Variants in PARD3 observed in about 807,000 individuals in gnomAD.
PARD3 encodes partitioning defective 3 homolog.
In PARD3, 75 loss-of-function variants were observed where a neutral mutation model predicts 155.4. The ratio of observed to expected loss-of-function variants is 0.48; its 90% CI spans 0.40 to 0.58. PARD3 has a LOEUF of 0.58. PARD3 is among the 20% of genes least tolerant of loss of function. The pLI, the probability that PARD3 is intolerant of heterozygous loss-of-function variation, is 0.00. For missense variants in PARD3, 1,642 were observed against 1,721.7 expected (o/e 0.95, Z 0.82); for synonymous variants, 576 against 610.5 (o/e 0.94, Z 0.83).
chr10:34,704,981 C>T (rs537878726), intron 1 of PARD3, among the ~76,000 whole-genome samples: 4 of 152,094 alleles, frequency 2.6e-5, no homozygotes, highest in South Asian at 2.1e-4. Context: ...CAAAAGAGCA[C>T]GATCAGCAGG....
chr10:34,695,099 G>A (rs960027738), intron 2 of PARD3, among the ~76,000 whole-genome samples: 1 of 152,172 alleles, frequency 6.6e-6, no homozygotes, highest in Non-Finnish European at 1.5e-5. Context: ...AGTCGACCAG[G>A]CCGCTGCCTC....
chr10:34,351,080 T>TGG (rs1838028406), intron 14 of PARD3, among the ~76,000 whole-genome samples: 1 of 152,212 alleles, frequency 6.6e-6, no homozygotes, highest in Non-Finnish European at 1.5e-5. Context: ...CCGTTTGTTG[T>TGG]GAGTATGCAT....
At chr10:34,419,955 T>C (rs78548711) in intron 5 of PARD3, among the ~76,000 whole-genome samples, 4 of 152,216 alleles carry the variant, frequency 2.6e-5, no homozygotes, top group Non-Finnish European at 5.9e-5. Flanking sequence ...GACTGATTAA[T>C]TGATTGATTG....
At chr10:34,464,119 GAAA>G (rs34445178) in intron 4 of PARD3, among the ~76,000 whole-genome samples, 1 of 145,306 alleles carries the variant, frequency 6.9e-6, no homozygotes. Context: ...GGTCCTGCGG[GAAA>G]AAAAAAAAAA....
chr10:34,271,535 G>A (rs1464207849), intron 21 of PARD3, among the ~76,000 whole-genome samples: 3 of 152,054 alleles, frequency 2.0e-5, no homozygotes, highest in African/African-American at 2.4e-5. Flanking sequence ...CAGAAAACTA[G>A]AAATAAAGTG....
At chr10:34,688,097 C>A (rs2093982961) in intron 2 of PARD3, among the ~76,000 whole-genome samples, 1 of 152,094 alleles carries the variant, frequency 6.6e-6, no homozygotes, top group African/African-American at 2.4e-5. Flanking sequence ...AAGTGATCCA[C>A]CCGCTTTGGC....
At chr10:34,144,582 C>T (rs1948363656) in intron 22 of PARD3, among the ~76,000 whole-genome samples, 1 of 152,130 alleles carries the variant, frequency 6.6e-6, no homozygotes, top group South Asian at 2.1e-4. Flanking sequence ...TAACCAAATT[C>T]CTCTGGTATT....
intron 20 of PARD3, among the ~76,000 whole-genome samples, chr10:34,295,250 C>G (rs1045366786): frequency 7.2e-5 from 11 of 152,154 alleles, no homozygotes. Context: ...GGTCAGAACA[C>G]GGAGATGTGT....
At chr10:34,699,189 T>A (rs1404853752) in intron 1 of PARD3, among the ~76,000 whole-genome samples, 1 of 152,212 alleles carries the variant, frequency 6.6e-6, no homozygotes, top group Non-Finnish European at 1.5e-5. Flanking sequence ...GCAATCATGA[T>A]AACATCATGC....
rs557044966 is a variant in PARD3, at chr10:34,590,766, T to G, written c.223-73607A>C. 1.4e-4 allele frequency among the ~76,000 whole-genome samples: 22 copies of G among 152,090 alleles called. No homozygotes were observed. In the South Asian group the frequency reaches 4.6e-3, roughly 32 times the overall value. On this transcript the variant is annotated intron_variant, in intron 2 of 24. Transcript: ENST00000374788. ...GAACTGGAAGTGGGCACACCCAGAG[T>G]CTAGATTTGTCTTTTAGGACTTCTA...
chr10:34,533,605 G>A (rs2083008842), intron 2 of PARD3, among the ~76,000 whole-genome samples: 1 of 151,996 alleles, frequency 6.6e-6, no homozygotes, highest in Non-Finnish European at 1.5e-5. Context: ...TCAGGAGTTT[G>A]TGACCAGCCC....
intron 22 of PARD3, among the ~76,000 whole-genome samples, chr10:34,220,766 G>A (rs542086563): frequency 6.6e-6 from 1 of 152,154 alleles, no homozygotes; most frequent in East Asian, 1.9e-4. Flanking sequence ...TCACAGTGGG[G>A]ACTAATGTGC....
At chr10:34,384,067 C>G in intron 8 of PARD3, 62 bp downstream of exon 8, 1 of 1,529,814 alleles carries the variant, frequency 6.5e-7, no homozygotes, top group Non-Finnish European at 9.0e-7. Context: ...AGCATTTCAA[C>G]TGACTGCACT....
intron 1 of PARD3, among the ~76,000 whole-genome samples, chr10:34,722,956 C>T (rs1361410974): frequency 2.0e-5 from 3 of 152,076 alleles, no homozygotes; most frequent in Admixed American, 6.6e-5. Context: ...ATGTGAATTG[C>T]TGAAGTTGGG....
At chr10:34,285,122 T>C (rs1362172062) in intron 20 of PARD3, among the ~76,000 whole-genome samples, 1 of 152,228 alleles carries the variant, frequency 6.6e-6, no homozygotes, top group Non-Finnish European at 1.5e-5. Context: ...GCAATCTTTG[T>C]CTGTAATGCA....
At chr10:34,410,115 G>C (rs920583356) in intron 5 of PARD3, among the ~76,000 whole-genome samples, 4 of 152,090 alleles carry the variant, frequency 2.6e-5, no homozygotes, top group African/African-American at 9.7e-5. Flanking sequence ...CCACCCTCTA[G>C]ATAAATTTTA....
chr10:34,338,704 C>G (rs528180030), intron 16 of PARD3, among the ~76,000 whole-genome samples: 1 of 152,312 alleles, frequency 6.6e-6, no homozygotes, highest in South Asian at 2.1e-4. Context: ...AGAGTTGGCT[C>G]TTAAAGAGCT....
At chr10:34,412,424 T>C (rs755994495) in intron 5 of PARD3, among the ~76,000 whole-genome samples, 16 of 152,248 alleles carry the variant, frequency 1.1e-4, no homozygotes, top group Non-Finnish European at 1.9e-4. Context: ...ACCCACACTT[T>C]ACCTCCCATT....
intron 5 of PARD3, among the ~76,000 whole-genome samples, chr10:34,411,840 G>A (rs1405807965): frequency 6.6e-6 from 1 of 151,580 alleles, no homozygotes; most frequent in Non-Finnish European, 1.5e-5. Context: ...TCATATTTGT[G>A]GAATGATTAC....
Sources: allele counts gnomAD v4.1 joint callset (sites outside exome capture counted in the v4.1 genomes callset), GRCh38; gene constraint gnomAD v4.1.1; transcripts MANE v1.5; gene names NCBI Gene and HGNC (gene_info 2026-07-23, HGNC 2026-07-21).